PRDM8: variants seen among roughly 807,000 people sequenced by gnomAD.
PRDM8 encodes the protein PR domain zinc finger protein 8.
Under a neutral mutation model 46.5 loss-of-function variants are expected in PRDM8, and 13 were observed. The ratio of observed to expected loss-of-function variants is 0.28; its 90% CI spans 0.18 to 0.44. The LOEUF is 0.44. PRDM8 is among the 20% of genes least tolerant of loss of function. The pLI is 1.00. For missense variants in PRDM8, 998 were observed against 955.0 expected (o/e 1.04, Z -0.59); for synonymous variants, 473 against 438.4 (o/e 1.08, Z -0.98).
rs373726901 is a variant in PRDM8 at position 80,202,947 on chromosome 4, C to A, written c.1485C>A (p.Asp495Glu). The A allele has an allele frequency of 2.0e-6, 3 of 1,472,012 alleles. No individual in the cohort carries two copies. Among genetic ancestry groups the A allele is most frequent in the South Asian group, 2.6e-5 (2 of 77,308 alleles). 91.2% of individuals were successfully genotyped at this position (1,472,012 alleles called of 1,614,324 possible). A position where few individuals can be genotyped will look rare whatever the true frequency, so the allele number is the denominator to read the frequency against. ...GCGGGGGCCAGGGCGCCGCGTCGGA[C>A]GAGCGCAAAAGCGCCTTCTCGCAGC... ...GAGGGQGAAS[D>E]ERKSAFSQPA... The change falls in exon 4 of 4, where the codon GAC (aspartate) becomes GAA (glutamate). Residue 495 changes from aspartate to glutamate, a missense_variant. Physicochemically the swap from Asp to Glu is conservative, Grantham distance 45. Transcript: ENST00000415738.
At chr4:80,201,142 G>A in intron 2 of PRDM8, 148 bp from the exon 3 acceptor site, 1 of 692,170 alleles carries the variant, frequency 1.4e-6, no homozygotes, top group Non-Finnish European at 2.5e-6. Context: ...GTCCCAGCTT[G>A]GGCCAAACTT....
At chr4:80,201,619 C>A in intron 3 of PRDM8, 98 bp downstream of exon 3, 2 of 1,222,164 alleles carry the variant, frequency 1.6e-6, no homozygotes, top group Non-Finnish European at 2.3e-6. Context: ...CGCCTTTCTT[C>A]CCTTCGGGTG....
chr4:80,186,286 CT>C (rs3834215), intron 1 of PRDM8, among the ~76,000 whole-genome samples: 2 of 150,348 alleles, frequency 1.3e-5, no homozygotes, highest in African/African-American at 4.9e-5. Context: ...TATTAGGAGC[CT>C]TTTTTTTTCC....
chr4:80,200,017 G>C, intron 1 of PRDM8, 62 bp from the exon 2 acceptor site: 1 of 1,357,764 alleles, frequency 7.4e-7, no homozygotes, highest in South Asian at 1.2e-5. Context: ...AGTTCTGCTT[G>C]GGTTAATGGC....
At chr4:80,189,519 C>A (rs1044245767) in intron 1 of PRDM8, among the ~76,000 whole-genome samples, 1 of 152,162 alleles carries the variant, frequency 6.6e-6, no homozygotes, top group African/African-American at 2.4e-5. Context: ...AAATCCTCAG[C>A]CCTCGCTGGG....
At chr4:80,187,844 G>A (rs188306339) in intron 1 of PRDM8, among the ~76,000 whole-genome samples, 1 of 152,250 alleles carries the variant, frequency 6.6e-6, no homozygotes, top group African/African-American at 2.4e-5. Flanking sequence ...ATGCCTACTG[G>A]CAACCTGGCA....
chr4:80,197,774 T>A lies in PRDM8; in HGVS notation c.-3+11T>A. ...CTGACCTTATTCCTGGTAAGTCTAT[T>A]TGCATTGATGTGGGAGGGGGATGGG... On this transcript the variant is annotated intron_variant, in intron 1 of 3. Coordinates refer to ENST00000415738, the MANE Select transcript of PRDM8 (RefSeq NM_001099403.2). 1 of 985,438 alleles carries A rather than the reference T, an allele frequency of 1.0e-6. No individual in the cohort carries two copies. The allele number at this position is 985,438 out of a possible 1,614,324, so 61.0% of individuals were successfully genotyped here.
chr4:80,191,315 T>C (rs966191144), intron 1 of PRDM8, among the ~76,000 whole-genome samples: 12 of 150,776 alleles, frequency 8.0e-5, no homozygotes, highest in African/African-American at 3.0e-4. Context: ...CTAGCAAATC[T>C]CAACATCTAG....
chr4:80,198,504 T>C (rs1264161254), intron 1 of PRDM8, among the ~76,000 whole-genome samples: 1 of 152,244 alleles, frequency 6.6e-6, no homozygotes, highest in Non-Finnish European at 1.5e-5. Flanking sequence ...TCAGGATGTC[T>C]ACCTTGTATG....
At chr4:80,201,543 G>T in intron 3 of PRDM8, 22 bp downstream of exon 3, 2 of 1,604,252 alleles carry the variant, frequency 1.2e-6, no homozygotes, top group Non-Finnish European at 1.7e-6. Flanking sequence ...CGCGACCGGC[G>T]TGTGGGCCCT....
intron 1 of PRDM8, among the ~76,000 whole-genome samples, chr4:80,198,058 A>G (rs1032252168): frequency 6.6e-6 from 1 of 152,188 alleles, no homozygotes; most frequent in African/African-American, 2.4e-5. Flanking sequence ...TCTGGGGTAT[A>G]TTCCCAGGGC....
chr4:80,199,989 T>C, intron 1 of PRDM8, 90 bp from the exon 2 acceptor site: 3 of 1,036,862 alleles, frequency 2.9e-6, no homozygotes, highest in Non-Finnish European at 4.3e-6. Context: ...GCAAGGAAAA[T>C]CTACCTAGTA....
intron 1 of PRDM8, among the ~76,000 whole-genome samples, chr4:80,188,920 CG>C (rs1373571943): frequency 2.0e-5 from 3 of 152,196 alleles, no homozygotes; most frequent in Non-Finnish European, 4.4e-5. Flanking sequence ...AGGGCAGCCA[CG>C]GGGGGAACTC....
rs1560480745 is a variant in PRDM8 at position 80,203,273 on chromosome 4, A to G, written c.1811A>G (p.Gln604Arg). Residue 604 changes from glutamine (Q) to arginine (R), a missense_variant, in exon 4 of 4, where the codon CAG becomes CGG. Coordinates refer to ENST00000415738, the MANE Select transcript of PRDM8 (RefSeq NM_001099403.2). ...AAAAAGPLQL[Q>R]LPSALTLLPP... is the part of the protein sequence containing the mutation. ...GCGGCCGCGGGGCCCTTGCAGCTGC[A>G]GCTGCCCTCGGCGCTCACGCTGCTG... 6.3e-7 allele frequency: 1 copy of G among 1,590,758 alleles called. No homozygotes were observed. Among genetic ancestry groups the G allele is most frequent in the Admixed American group, 1.8e-5 (1 of 56,852 alleles).
Position 80,203,282 on chromosome 4 carries a change from C to T in PRDM8, c.1820C>T (p.Ser607Leu), listed in dbSNP as rs779399186. 2.5e-6 allele frequency: 4 copies of T among 1,599,702 alleles called. No individual in the cohort carries two copies. Among genetic ancestry groups the T allele is most frequent in the Non-Finnish European group, 3.4e-6 (4 of 1,174,422 alleles). ...AAGPLQLQLP[S>L]ALTLLPPSFT... ...GGGCCCTTGCAGCTGCAGCTGCCCT[C>T]GGCGCTCACGCTGCTGCCGCCCTCC... The change falls in exon 4 of 4, where the codon TCG becomes TTG. Residue 607 changes from serine to leucine, a missense_variant. Coordinates refer to ENST00000415738, the MANE Select transcript of PRDM8 (RefSeq NM_001099403.2).
Position 80,202,438 on chromosome 4 carries a change from G to A in PRDM8, c.976G>A (p.Gly326Ser). 9.0e-6 allele frequency: 14 copies of A among 1,547,638 alleles called. No homozygotes were observed. The highest frequency in any genetic ancestry group is 2.4e-5 in the East Asian group (1 of 40,944). The stretch of plus-strand genomic sequence containing the variant: ...GGAGGAGGCGGCGGAGGGCGGCGGT[G>A]GCGCTGGTCTGGTAGGGGGCCGGGG... ...FPEEAAEGGGGAGLVGGRGRF... is the reference protein window; with the variant it reads ...FPEEAAEGGGSAGLVGGRGRF... The change falls in exon 4 of 4, where the codon GGC becomes AGC. Residue 326 changes from glycine (G) to serine (S), a missense_variant. Physicochemically the swap from Gly to Ser is moderately conservative, Grantham distance 56 (BLOSUM62 0). Transcript: ENST00000415738.
chr4:80,197,192 G>A (rs28753926), upstream of PRDM8: 847 of 985,460 alleles, frequency 8.6e-4, 3 homozygotes, highest in African/African-American at 0.014. Context: ...AGTGAAACGG[G>A]GAAAGGCCCT....
At chr4:80,196,572 G>A (rs979995822), upstream of PRDM8, 5 of 985,274 alleles carry the variant, frequency 5.1e-6, no homozygotes, top group Admixed American at 1.2e-4. Context: ...CCACCCGCTG[G>A]ATGTGAAAAG....
At position 80,202,720 on chromosome 4, in the gene PRDM8, G is replaced by C; in HGVS notation, c.1258G>C (p.Gly420Arg). The C allele has an allele frequency of 7.6e-7, 1 of 1,318,844 alleles. No homozygotes were observed. Among genetic ancestry groups the C allele is most frequent in the Non-Finnish European group, 9.6e-7 (1 of 1,040,000 alleles). The allele number at this position is 1,318,844 out of a possible 1,614,324, so 81.7% of individuals were successfully genotyped here. A position where few individuals can be genotyped will look rare whatever the true frequency, so the allele number is the denominator to read the frequency against. ...ASEDQDAGGGGGSSTPAAASP... is the reference protein window; with the variant it reads ...ASEDQDAGGGRGSSTPAAASP... ...CGAGGACCAGGACGCTGGCGGCGGC[G>C]GCGGCTCCTCCACGCCCGCGGCCGC... Residue 420 changes from glycine to arginine, a missense_variant, in exon 4 of 4, where the codon GGC becomes CGC. Gly to Arg is a moderately radical substitution (Grantham distance 125). Coordinates refer to ENST00000415738, the MANE Select transcript of PRDM8 (RefSeq NM_001099403.2).
Sources: allele counts gnomAD v4.1 joint callset (sites outside exome capture counted in the v4.1 genomes callset), GRCh38; gene constraint gnomAD v4.1.1; transcripts MANE v1.5; gene names NCBI Gene and HGNC (gene_info 2026-07-23, HGNC 2026-07-21).